The following WDFY4 variants were observed in gnomAD, a reference collection of about 807,000 sequenced individuals.
WDFY4 encodes WDFY family member 4.
In WDFY4, 169 loss-of-function variants were observed where a neutral mutation model predicts 351.9. The observed-to-expected ratio is 0.48, with a 90% CI of 0.42 to 0.55. The LOEUF is 0.55. WDFY4 is among the 20% of genes least tolerant of loss of function. WDFY4 has a pLI of 0.00. For synonymous variants in WDFY4, 1,622 were observed against 1,574.6 expected (o/e 1.03, Z -0.71); for missense variants, 3,803 against 3,935.6 (o/e 0.97, Z 0.90).
At chr10:48,873,765 C>A in intron 41 of WDFY4, 68 bp downstream of exon 41, 1 of 1,491,198 alleles carries the variant, frequency 6.7e-7, no homozygotes, top group Non-Finnish European at 9.1e-7. Context: ...AGCTCCTGAG[C>A]TTCCCCATCA....
rs562182592 is a variant in WDFY4, at chr10:48,809,604, TCAC to T, written c.4839-914_4839-912del. Among the ~76,000 whole-genome samples the T allele has an allele frequency of 4.7e-3, 713 of 150,518 alleles. 3 individuals are homozygous for T. The highest frequency in any genetic ancestry group is 7.9e-3 in the Non-Finnish European group (536 of 67,478). On this transcript the variant is annotated intron_variant, in intron 28 of 61. Transcript: ENST00000325239. ...ACCACCACCATCAACATCATCACTG[TCAC>T]CACCACCACCATCATCATCATCACC...
intron 48 of WDFY4, among the ~76,000 whole-genome samples, chr10:48,942,298 C>T (rs984069287): frequency 1.3e-5 from 2 of 152,198 alleles, no homozygotes; most frequent in African/African-American, 4.8e-5. Context: ...CAAAATGTCT[C>T]AGACATTTCC....
At chr10:48,854,005 C>A (rs533138638) in intron 39 of WDFY4, among the ~76,000 whole-genome samples, 70 of 152,300 alleles carry the variant, frequency 4.6e-4, no homozygotes, top group African/African-American at 1.6e-3. Context: ...TTCTGGACTG[C>A]AGCTATTGTA....
chr10:48,857,735 A>G (rs1163429533), intron 39 of WDFY4, among the ~76,000 whole-genome samples: 1 of 152,060 alleles, frequency 6.6e-6, no homozygotes, highest in Non-Finnish European at 1.5e-5. Flanking sequence ...TCTTTAGTAA[A>G]ATGTTTATTC....
At chr10:48,905,652 A>T (rs936654108) in intron 47 of WDFY4, among the ~76,000 whole-genome samples, 1 of 152,172 alleles carries the variant, frequency 6.6e-6, no homozygotes, top group Non-Finnish European at 1.5e-5. Context: ...CTTCAGAGGA[A>T]TGCTCATCTC....
At chr10:48,858,616 C>G (rs2620894) in intron 39 of WDFY4, among the ~76,000 whole-genome samples, 2 of 152,088 alleles carry the variant, frequency 1.3e-5, no homozygotes, top group African/African-American at 2.4e-5. Flanking sequence ...TATGAGTATA[C>G]TAAGTCTTGA....
At chr10:48,802,022 A>C (rs1253381120) in intron 24 of WDFY4, among the ~76,000 whole-genome samples, 1 of 152,084 alleles carries the variant, frequency 6.6e-6, no homozygotes, top group Non-Finnish European at 1.5e-5. Context: ...ATTAAAAAAA[A>C]AGTCTGGTGC....
At chr10:48,979,774 A>T (rs975233860) in intron 60 of WDFY4, 1 of 152,248 alleles carries the variant, frequency 6.6e-6, no homozygotes, top group African/African-American at 2.4e-5. Flanking sequence ...CTCACTGGTC[A>T]TGGGGTCTAG....
At chr10:48,721,154 T>A in intron 3 of WDFY4, 107 bp from the exon 4 acceptor site, 1 of 1,072,984 alleles carries the variant, frequency 9.3e-7, no homozygotes, top group Non-Finnish European at 1.4e-6. Flanking sequence ...GATGCCAAAG[T>A]CCTCTACAGA....
rs527650615 is a variant in WDFY4, at chr10:48,696,424, T to C, written c.-18+11423T>C. Among the ~76,000 whole-genome samples the C allele has an allele frequency of 2.6e-5, 4 of 152,358 alleles. No homozygotes were observed. In the South Asian group the frequency reaches 8.3e-4, roughly 32 times the overall value. On this transcript the variant is annotated intron_variant, in intron 1 of 61. Coordinates refer to ENST00000325239, the MANE Select transcript of WDFY4 (RefSeq NM_001394531.1). ...CATTCCCCCAACACAGGCTTGGTCT[T>C]GGAGGCAGCCCTCCTGCTCGTGTCT...
intron 43 of WDFY4, among the ~76,000 whole-genome samples, chr10:48,881,190 G>GC (rs149147943): frequency 0.017 from 2,624 of 152,310 alleles, 71 homozygotes; most frequent in African/African-American, 0.06. Context: ...TCCTTTCATA[G>GC]CCCCATAGGA....
rs76028336 is a variant in WDFY4, at chr10:48,731,430, C to T, written c.1450C>T (p.Leu484Phe). The T allele has an allele frequency of 5.9e-5, 92 of 1,551,650 alleles. No individual in the cohort carries two copies. The highest frequency in any genetic ancestry group is 7.1e-5 in the Non-Finnish European group (82 of 1,147,024). The change falls in exon 9 of 62, where the codon CTC becomes TTC. Residue 484 changes from leucine (L) to phenylalanine (F), a missense_variant. Leu to Phe is a conservative substitution (Grantham distance 22). Around this residue, in one of 3 missense-constraint regions of WDFY4, gnomAD observed 261 missense variants for 330.2 expected, o/e 0.79. Transcript: ENST00000325239. ...GGAGAGCCCTGGGCCATCCTGCACC[C>T]TCATGGCCCTGCAGAGCATCCTCAG... ...IKESPGPSCTLMALQSILSIA... is the reference protein window; with the variant it reads ...IKESPGPSCTFMALQSILSIA...
chr10:48,726,198 T>G, intron 6 of WDFY4, 128 bp downstream of exon 6: 1 of 1,156,514 alleles, frequency 8.6e-7, no homozygotes, highest in Non-Finnish European at 1.2e-6. Flanking sequence ...TATAGAATTT[T>G]GGGACCAAAG....
intron 30 of WDFY4, 38 bp downstream of exon 30, chr10:48,811,746 T>G (rs908223111): frequency 6.5e-7 from 1 of 1,543,352 alleles, no homozygotes; most frequent in African/African-American, 1.4e-5. Context: ...ACACACTTGG[T>G]TTTCTGATTC....
At chr10:48,687,923 T>A (rs193214159) in intron 1 of WDFY4, among the ~76,000 whole-genome samples, 1 of 152,138 alleles carries the variant, frequency 6.6e-6, no homozygotes, top group Non-Finnish European at 1.5e-5. Flanking sequence ...CTGGGACTAC[T>A]GGCGTGCGCC....
chr10:48,731,090 A>T lies in WDFY4; in HGVS notation c.1130-20A>T. ...GGCAGGAGAAATGACTTGTAAGATC[A>T]TTCTTGTTTTCCTCCTCAGGGGTGA... On this transcript the variant is annotated intron_variant, in intron 8 of 61. Transcript: ENST00000325239. 6.7e-7 allele frequency: 1 copy of T among 1,502,938 alleles called. No individual in the cohort carries two copies. Among genetic ancestry groups the T allele is most frequent in the South Asian group, 1.3e-5 (1 of 76,026 alleles). The allele number at this position is 1,502,938 out of a possible 1,614,324, so 93.1% of individuals were successfully genotyped here. A position where few individuals can be genotyped will look rare whatever the true frequency, so the allele number is the denominator to read the frequency against.
At chr10:48,916,596 A>C (rs2133540273) in intron 47 of WDFY4, among the ~76,000 whole-genome samples, 1 of 152,324 alleles carries the variant, frequency 6.6e-6, no homozygotes, top group Non-Finnish European at 1.5e-5. Context: ...ACAGATTTAG[A>C]AAACAAAATC....
chr10:48,857,433 T>G (rs1037621629), intron 39 of WDFY4, among the ~76,000 whole-genome samples: 1 of 152,104 alleles, frequency 6.6e-6, no homozygotes, highest in African/African-American at 2.4e-5. Context: ...GCCAAGGCAT[T>G]AGTTTTGTTT....
At chr10:48,700,876 G>A (rs1480330474) in intron 1 of WDFY4, among the ~76,000 whole-genome samples, 1 of 152,154 alleles carries the variant, frequency 6.6e-6, no homozygotes, top group Non-Finnish European at 1.5e-5. Context: ...TCTATTTATT[G>A]ATTTTATTTA....
Sources: allele counts gnomAD v4.1 joint callset (sites outside exome capture counted in the v4.1 genomes callset), GRCh38; gene constraint gnomAD v4.1.1; regional missense constraint gnomAD v4.1.1; transcripts MANE v1.5; gene names NCBI Gene and HGNC (gene_info 2026-07-23, HGNC 2026-07-21).